WDR7: variants seen among roughly 807,000 people sequenced by gnomAD.
The protein encoded by WDR7 is WD repeat-containing protein 7.
In WDR7, 46 loss-of-function variants were observed where a neutral mutation model predicts 169.4. The ratio of observed to expected loss-of-function variants is 0.27; its 90% CI spans 0.21 to 0.35. The LOEUF is 0.35. WDR7 is among the 10% of genes least tolerant of loss of function. The pLI is 1.00. For synonymous variants in WDR7, 612 were observed against 666.8 expected, an observed-to-expected ratio of 0.92 and a Z score of 1.27; for missense variants, 1,534 against 1,859.3, an observed-to-expected ratio of 0.83 and a Z score of 3.22.
intron 13 of WDR7, chr18:56,721,748 T>C (rs1411118601): frequency 2.0e-5 from 3 of 152,234 alleles, no homozygotes; most frequent in African/African-American, 7.2e-5. Context: ...ATGCTGAAAG[T>C]AATGACTGAT....
chr18:56,678,852 C>T (rs1048305883), intron 2 of WDR7, among the ~76,000 whole-genome samples: 32 of 152,280 alleles, frequency 2.1e-4, no homozygotes, highest in Non-Finnish European at 4.0e-4. Context: ...GGACAAGATT[C>T]GGGACAATTC....
intron 19 of WDR7, among the ~76,000 whole-genome samples, chr18:56,788,036 A>G (rs979892454): frequency 2.6e-5 from 4 of 152,134 alleles, no homozygotes; most frequent in Admixed American, 2.6e-4. Flanking sequence ...TATATGCCTC[A>G]GTGTTTGCAA....
At chr18:56,819,716 G>A (rs755438689) in intron 20 of WDR7, among the ~76,000 whole-genome samples, 9 of 151,942 alleles carry the variant, frequency 5.9e-5, no homozygotes, top group Admixed American at 1.3e-4. Flanking sequence ...TTTCAATGAC[G>A]TTGCTTTAGG....
intron 19 of WDR7, among the ~76,000 whole-genome samples, chr18:56,808,540 A>G (rs762186227): frequency 2.1e-4 from 32 of 152,310 alleles, no homozygotes; most frequent in Non-Finnish European, 3.4e-4. Context: ...AAATGAAACT[A>G]TAATGAACTG....
chr18:56,926,282 G>A (rs1223709401), intron 22 of WDR7, among the ~76,000 whole-genome samples: 1 of 152,092 alleles, frequency 6.6e-6, no homozygotes, highest in Non-Finnish European at 1.5e-5. Flanking sequence ...CCTCCCCTTG[G>A]CTGCAGCTGC....
At chr18:56,779,020 C>T (rs536543985) in intron 17 of WDR7, among the ~76,000 whole-genome samples, 1 of 152,206 alleles carries the variant, frequency 6.6e-6, no homozygotes, top group East Asian at 1.9e-4. Context: ...GTGACATGAA[C>T]CTATTTTTGG....
intron 21 of WDR7, among the ~76,000 whole-genome samples, chr18:56,910,579 G>C (rs1599149968): frequency 6.6e-6 from 1 of 152,060 alleles, no homozygotes; most frequent in East Asian, 1.9e-4. Context: ...ACTTTGAAAT[G>C]CTAGTTGTAA....
At chr18:56,700,763 G>A (rs1598972423) in intron 12 of WDR7, among the ~76,000 whole-genome samples, 1 of 150,202 alleles carries the variant, frequency 6.7e-6, no homozygotes, top group South Asian at 2.1e-4. Flanking sequence ...TAGAGACGGG[G>A]TTTCACCGTG....
intron 20 of WDR7, among the ~76,000 whole-genome samples, chr18:56,856,974 G>A (rs2045730755): frequency 6.6e-6 from 1 of 152,136 alleles, no homozygotes; most frequent in African/African-American, 2.4e-5. Context: ...TGTAATATAA[G>A]GGAGATACCT....
At chr18:56,972,253 A>G (rs906296758) in intron 26 of WDR7, among the ~76,000 whole-genome samples, 13 of 152,218 alleles carry the variant, frequency 8.5e-5, no homozygotes, top group African/African-American at 3.1e-4. Flanking sequence ...TTGGAAAGCA[A>G]TGTGTTCTTC....
chr18:57,033,816 C>G (rs141737811), downstream of WDR7: 88 of 152,262 alleles, frequency 5.8e-4, 1 homozygote, highest in Non-Finnish European at 1.0e-3. Context: ...TCCTGGGGAG[C>G]AAACACATCC....
intron 1 of WDR7, among the ~76,000 whole-genome samples, chr18:56,661,863 G>A (rs1049630406): frequency 6.6e-6 from 1 of 152,034 alleles, no homozygotes; most frequent in Non-Finnish European, 1.5e-5. Flanking sequence ...CAATTGATTG[G>A]TGGTAAATGC....
At chr18:56,771,042 TACA>T (rs1187187007) in intron 16 of WDR7, among the ~76,000 whole-genome samples, 2 of 152,206 alleles carry the variant, frequency 1.3e-5, no homozygotes, top group African/African-American at 4.8e-5. Context: ...ATTTATTCCC[TACA>T]ACAACTGACC....
chr18:56,900,918 A>G (rs1156351137), intron 21 of WDR7, among the ~76,000 whole-genome samples: 1 of 152,258 alleles, frequency 6.6e-6, no homozygotes, highest in Non-Finnish European at 1.5e-5. Flanking sequence ...GCCAGCTGGC[A>G]AAGGACATGT....
intron 21 of WDR7, among the ~76,000 whole-genome samples, chr18:56,900,528 A>G (rs2083020): frequency 0.82 from 124,054 of 152,084 alleles, 51,004 homozygotes; most frequent in East Asian, 0.98. Context: ...CAGAGATACT[A>G]TGTGCAAAAT....
chr18:56,791,462 T>G (rs531017743), intron 19 of WDR7, among the ~76,000 whole-genome samples: 1 of 152,340 alleles, frequency 6.6e-6, no homozygotes, highest in Non-Finnish European at 1.5e-5. Flanking sequence ...CTTTACCCCC[T>G]TCTAGCAGGT....
intron 16 of WDR7, among the ~76,000 whole-genome samples, chr18:56,775,749 A>G (rs1473143481): frequency 6.6e-6 from 1 of 152,078 alleles, no homozygotes; most frequent in Non-Finnish European, 1.5e-5. Flanking sequence ...TGACATTATG[A>G]TGCATTCGTG....
intron 24 of WDR7, 108 bp downstream of exon 24, chr18:56,938,790 G>A: frequency 8.4e-7 from 1 of 1,188,802 alleles, no homozygotes; most frequent in Non-Finnish European, 1.2e-6. Context: ...AGAGATGAAG[G>A]GTGAGAGAGA....
intron 12 of WDR7, among the ~76,000 whole-genome samples, chr18:56,697,124 G>A (rs2025720729): frequency 6.6e-6 from 1 of 151,992 alleles, no homozygotes; most frequent in Non-Finnish European, 1.5e-5. Context: ...TCATCTTTGT[G>A]TGCATAATCA....
Sources: gnomAD v4.1 joint callset for allele counts (sites outside exome capture counted in the v4.1 genomes callset) on GRCh38, gnomAD v4.1.1 for gene constraint, MANE v1.5 for transcripts, NCBI Gene and HGNC (gene_info 2026-07-23, HGNC 2026-07-21) for gene names.